NCOR1: variants seen among roughly 807,000 people sequenced by gnomAD.
The protein encoded by NCOR1 is protein phosphatase 1, regulatory subunit 109.
In NCOR1, 63 loss-of-function variants were observed where a neutral mutation model predicts 288.1. The observed-to-expected ratio is 0.22, with a 90% confidence interval of 0.18 to 0.27. The LOEUF is 0.27. NCOR1 is among the 10% of genes least tolerant of loss of function. NCOR1 has a pLI of 1.00. For synonymous variants in NCOR1, 1,007 were observed against 1,065.9 expected (o/e 0.94, Z 1.08); for missense variants, 2,397 against 3,019.2 (o/e 0.79, Z 4.83).
chr17:16,071,264 G>C, intron 30 of NCOR1, 145 bp downstream of exon 30: 1 of 1,235,290 alleles, frequency 8.1e-7, no homozygotes, highest in South Asian at 1.6e-5. Context: ...GGTCCACAGA[G>C]GAAAAAAAAA....
intron 2 of NCOR1, among the ~76,000 whole-genome samples, chr17:16,190,852 C>G (rs977776141): frequency 6.6e-6 from 1 of 152,200 alleles, no homozygotes; most frequent in East Asian, 1.9e-4. Flanking sequence ...AGGGCTTGAT[C>G]GCTGAGAGAA....
At chr17:16,134,319 C>T (rs2076082787) in intron 14 of NCOR1, among the ~76,000 whole-genome samples, 1 of 152,152 alleles carries the variant, frequency 6.6e-6, no homozygotes, top group Non-Finnish European at 1.5e-5. Context: ...CCCCGTGAAA[C>T]AACCAGAGAA....
chr17:16,174,375 C>A (rs772989759), intron 3 of NCOR1, among the ~76,000 whole-genome samples: 1 of 152,230 alleles, frequency 6.6e-6, no homozygotes, highest in African/African-American at 2.4e-5. Context: ...AGCTGGACTT[C>A]TGCCCTCAGT....
intron 23 of NCOR1, among the ~76,000 whole-genome samples, chr17:16,085,613 T>TTTG (rs1200816466): frequency 6.6e-6 from 1 of 152,074 alleles, no homozygotes; most frequent in African/African-American, 2.4e-5. Flanking sequence ...CACAAAAGAG[T>TTTG]ACACCATGTT....
intron 1 of NCOR1, 87 bp from the exon 2 acceptor site, chr17:16,194,726 A>G: frequency 4.5e-6 from 2 of 447,680 alleles, no homozygotes; most frequent in Non-Finnish European, 8.0e-6. Context: ...CTACATAAAT[A>G]AAACCACAAT....
At chr17:16,120,014 A>C (rs945956763) in intron 16 of NCOR1, among the ~76,000 whole-genome samples, 4 of 152,316 alleles carry the variant, frequency 2.6e-5, no homozygotes, top group African/African-American at 9.6e-5. Flanking sequence ...ACAAAACCTG[A>C]GAACATCAGG....
In NCOR1 at chr17:16,079,945, A is replaced by C; in HGVS notation, c.3501+19T>G. Reference sequence around the variant, plus strand: ...TTCCTGAGCTTCTGTTGAGTATATCAGAGATGATCGTGACTAACCTGAGTG... The same window carrying C: ...TTCCTGAGCTTCTGTTGAGTATATCCGAGATGATCGTGACTAACCTGAGTG... On this transcript the variant is annotated intron_variant, in intron 26 of 45. Coordinates refer to ENST00000268712, the MANE Select transcript of NCOR1 (RefSeq NM_006311.4). 4 of 1,576,918 alleles carry C rather than the reference A, an allele frequency of 2.5e-6. No homozygotes were observed. Among genetic ancestry groups the C allele is most frequent in the Non-Finnish European group, 3.5e-6 (4 of 1,146,610 alleles).
At chr17:16,111,002 C>T (rs1355934554) in intron 18 of NCOR1, among the ~76,000 whole-genome samples, 1 of 152,164 alleles carries the variant, frequency 6.6e-6, no homozygotes, top group Admixed American at 6.5e-5. Flanking sequence ...TGAGGTGTTG[C>T]TGTGTTGCCC....
intron 3 of NCOR1, among the ~76,000 whole-genome samples, chr17:16,183,573 C>T (rs1403916594): frequency 3.3e-5 from 5 of 151,972 alleles, no homozygotes; most frequent in African/African-American, 4.8e-5. Context: ...CTATAAAACA[C>T]TGATTAAAAA....
In NCOR1 at chr17:16,080,017, T is replaced by C. The variant is rs1215539640; in HGVS notation, c.3448A>G (p.Thr1150Ala). 2 of 1,614,166 alleles carry C rather than the reference T, an allele frequency of 1.2e-6. No homozygotes were observed. Among genetic ancestry groups the C allele is most frequent in the East Asian group, 2.2e-5 (1 of 44,874 alleles). ...QEGSITRGTPTSKISVESIPS... is the reference protein window; with the variant it reads ...QEGSITRGTPASKISVESIPS... ...ATGCTCTCCACTGAAATTTTGCTGGTTGGAGTTCCCCGAGTTATACTTCCT... is the reference window on the plus strand; with the variant it reads ...ATGCTCTCCACTGAAATTTTGCTGGCTGGAGTTCCCCGAGTTATACTTCCT... Residue 1150 changes from threonine (T) to alanine (A), a missense_variant, in exon 26 of 46, where the codon ACC (threonine) becomes GCC (alanine). This residue lies in a region of NCOR1 where 1,872 missense variants were observed against 2,187.8 expected (regional missense o/e 0.86). Transcript: ENST00000268712.
rs2060078562 is a variant in NCOR1 at position 16,057,546 on chromosome 17, A to T, written c.6360T>A (p.Ser2120=). ...TGGATTTGTCCACAAGATTTTCTGGAGAGACCCTTGAACCTGGTCTTTGAT... is the reference window on the plus strand; with the variant it reads ...TGGATTTGTCCACAAGATTTTCTGGTGAGACCCTTGAACCTGGTCTTTGAT... ...VHHQRPGSRV[S]PENLVDKSRG... Residue 2120 remains serine (S), a synonymous_variant, in exon 40 of 46, where the codon TCT becomes TCA. Coordinates refer to ENST00000268712, the MANE Select transcript of NCOR1 (RefSeq NM_006311.4). 2 of 1,614,188 alleles carry T rather than the reference A, an allele frequency of 1.2e-6. No homozygotes were observed. Among genetic ancestry groups the T allele is most frequent in the East Asian group, 4.5e-5 (2 of 44,876 alleles).
At chr17:16,170,193 C>G (rs1441104328) in intron 4 of NCOR1, among the ~76,000 whole-genome samples, 1 of 150,826 alleles carries the variant, frequency 6.6e-6, no homozygotes, top group East Asian at 1.9e-4. Flanking sequence ...CATTTACTAT[C>G]TTTTAAATTA....
At chr17:16,039,137 T>G in intron 44 of NCOR1, 4 of 275,622 alleles carry the variant, frequency 1.5e-5, no homozygotes. Context: ...AACATTATAT[T>G]TGTGTTACAA....
intron 21 of NCOR1, among the ~76,000 whole-genome samples, chr17:16,097,123 C>G (rs1487672106): frequency 6.6e-6 from 1 of 152,096 alleles, no homozygotes; most frequent in East Asian, 1.9e-4. Context: ...GTTCCAAATC[C>G]TTAGAATTTC....
chr17:16,097,312 T>A (rs1282483157), intron 21 of NCOR1, among the ~76,000 whole-genome samples: 1 of 152,150 alleles, frequency 6.6e-6, no homozygotes, highest in Admixed American at 6.5e-5. Flanking sequence ...GAACTTGCAA[T>A]CCTCTTGCCT....
At chr17:16,051,667 G>A (rs902430931) in intron 40 of NCOR1, among the ~76,000 whole-genome samples, 8 of 152,180 alleles carry the variant, frequency 5.3e-5, no homozygotes, top group East Asian at 1.9e-4. Context: ...ATCCCAGCAC[G>A]TGGGGACGCT....
At chr17:16,109,010 CCAG>C in intron 18 of NCOR1, 98 bp from the exon 19 acceptor site, 2 of 917,388 alleles carry the variant, frequency 2.2e-6, no homozygotes, top group South Asian at 2.7e-5. Context: ...CACACACACA[CCAG>C]ACAAGGAGGT....
At chr17:16,080,154 C>T (rs750588905) in intron 25 of NCOR1, 90 bp from the exon 26 acceptor site, 2 of 1,070,200 alleles carry the variant, frequency 1.9e-6, no homozygotes, top group African/African-American at 1.6e-5. Context: ...GAGTACTCAA[C>T]TAAGAAGAAA....
chr17:16,040,722 G>A (rs1052731975), intron 42 of NCOR1: 3 of 560,376 alleles, frequency 5.4e-6, no homozygotes, highest in Non-Finnish European at 9.8e-6. Context: ...AATAGGTAAG[G>A]TAGGAACATC....
Sources: gnomAD v4.1 joint callset for allele counts (sites outside exome capture counted in the v4.1 genomes callset) on GRCh38, gnomAD v4.1.1 for gene constraint, gnomAD v4.1.1 regional missense constraint, MANE v1.5 for transcripts, NCBI Gene and HGNC (gene_info 2026-07-23, HGNC 2026-07-21) for gene names.